The following PKHD1L1 variants were observed in gnomAD, a reference collection of about 807,000 sequenced individuals.
PKHD1L1 encodes the protein fibrocystin-L.
PKHD1L1 carries 434 observed loss-of-function variants against 462.9 expected under a neutral mutation model. That is an observed-to-expected ratio of 0.94 (90% CI 0.87 to 1.02). The LOEUF (loss-of-function observed/expected upper bound fraction) is 1.02. PKHD1L1 is among the 50% of genes least tolerant of loss of function. PKHD1L1 has a pLI of 0.00. For synonymous variants in PKHD1L1, 1,781 were observed against 1,750.0 expected (o/e 1.02, Z -0.44); for missense variants, 5,202 against 5,096.1 (o/e 1.02, Z -0.63).
intron 2 of PKHD1L1, among the ~76,000 whole-genome samples, chr8:109,366,804 T>C (rs1586357229): frequency 1.3e-5 from 2 of 151,700 alleles, no homozygotes; most frequent in Non-Finnish European, 2.9e-5. Flanking sequence ...GCAATTGTCC[T>C]GCCTCAGCCT....
intron 54 of PKHD1L1, 79 bp from the exon 55 acceptor site, chr8:109,479,912 C>A: frequency 7.6e-7 from 1 of 1,320,046 alleles, no homozygotes; most frequent in Non-Finnish European, 1.0e-6. Context: ...AACTAGGACT[C>A]ACTGATAAGC....
chr8:109,418,848 T>C (rs1814315010), intron 21 of PKHD1L1, among the ~76,000 whole-genome samples: 1 of 152,228 alleles, frequency 6.6e-6, no homozygotes, highest in African/African-American at 2.4e-5. Flanking sequence ...TTTACATTCC[T>C]ATGGCTACTG....
At chr8:109,483,961 A>G (rs1249167562) in intron 57 of PKHD1L1, among the ~76,000 whole-genome samples, 1 of 151,806 alleles carries the variant, frequency 6.6e-6, no homozygotes, top group African/African-American at 2.4e-5. Context: ...ACATTTTTTA[A>G]TGCCAAGAAA....
rs773745534 is a variant in PKHD1L1 at position 109,491,994 on chromosome 8, G to A, written c.10236G>A (p.Glu3412=). Residue 3412 remains glutamate, a splice_region_variant and synonymous_variant, in exon 62 of 78, where the codon GAG becomes GAA. Coordinates refer to ENST00000378402, the MANE Select transcript of PKHD1L1 (RefSeq NM_177531.6). ...LSSTLWHAAI[E]INRGTNTVLQ... is the part of the protein sequence containing the mutation. Reference sequence around the variant, plus strand: ...CAACTCTCTGGCATGCAGCAATTGAGGTAGTGAAAACAAACTTATAATTAT... The same window carrying A: ...CAACTCTCTGGCATGCAGCAATTGAAGTAGTGAAAACAAACTTATAATTAT... 1.3e-6 allele frequency: 2 copies of A among 1,515,292 alleles called. No homozygotes were observed. Among genetic ancestry groups the A allele is most frequent in the Middle Eastern group, 1.7e-4 (1 of 5,766 alleles). 93.9% of individuals were successfully genotyped at this position (1,515,292 alleles called of 1,614,324 possible).
At chr8:109,402,255 C>A (rs1173751812) in intron 14 of PKHD1L1, among the ~76,000 whole-genome samples, 2 of 152,174 alleles carry the variant, frequency 1.3e-5, no homozygotes, top group Admixed American at 6.6e-5. Context: ...GCATTTGCAT[C>A]TGCTAGACTT....
At chr8:109,479,013 A>G (rs1385167082) in intron 53 of PKHD1L1, among the ~76,000 whole-genome samples, 1 of 152,148 alleles carries the variant, frequency 6.6e-6, no homozygotes, top group Admixed American at 6.6e-5. Context: ...GTAACATGGC[A>G]AATAAGAAGG....
chr8:109,385,906 G>C (rs192447851), intron 6 of PKHD1L1, among the ~76,000 whole-genome samples: 1 of 152,252 alleles, frequency 6.6e-6, no homozygotes, highest in African/African-American at 2.4e-5. Context: ...AAGTCCAATA[G>C]TAATTGAGTT....
intron 8 of PKHD1L1, among the ~76,000 whole-genome samples, chr8:109,389,775 G>A (rs193121122): frequency 6.6e-5 from 10 of 152,124 alleles, no homozygotes; most frequent in East Asian, 1.9e-4. Context: ...TGATCCGCCC[G>A]CCTCAGCCTC....
rs202241413 is a variant in PKHD1L1, at chr8:109,451,128, C to T, written c.6329C>T (p.Thr2110Ile). The T allele has an allele frequency of 6.6e-5, 106 of 1,610,368 alleles. No homozygotes were observed. The East Asian group carries it at 2.1e-3, about 32-fold the overall frequency. Residue 2110 changes from threonine (T) to isoleucine (I), a missense_variant, in exon 41 of 78, where the codon ACA (threonine) becomes ATA (isoleucine). This residue lies in a region of PKHD1L1 where 4,497 missense variants were observed against 4,336.8 expected (regional missense o/e 1.04). Transcript: ENST00000378402. ...AGTACAGCAGGGGGCACCAGACTGACAGTCGTGGGATCAGGATTCAGGTAC... is the reference window on the plus strand; with the variant it reads ...AGTACAGCAGGGGGCACCAGACTGATAGTCGTGGGATCAGGATTCAGGTAC... ...RGSTAGGTRL[T>I]VVGSGFSENM...
chr8:109,448,569 T>G (rs1253545878), intron 39 of PKHD1L1, among the ~76,000 whole-genome samples, 178 bp downstream of exon 39: 1 of 151,522 alleles, frequency 6.6e-6, no homozygotes, highest in Non-Finnish European at 1.5e-5. Context: ...TGGAGTGCAG[T>G]GGCGCGATCT....
intron 23 of PKHD1L1, among the ~76,000 whole-genome samples, chr8:109,423,235 T>A (rs1814567764): frequency 6.6e-6 from 1 of 152,098 alleles, no homozygotes; most frequent in Admixed American, 6.6e-5. Flanking sequence ...TCCTGAGGAT[T>A]TTTCTTTTTC....
intron 59 of PKHD1L1, among the ~76,000 whole-genome samples, chr8:109,487,936 G>GGAAGGAAGGAAT (rs1563600629): frequency 2.7e-5 from 4 of 150,350 alleles, no homozygotes; most frequent in Non-Finnish European, 5.9e-5. Flanking sequence ...AAGGAAGGAA[G>GGAAGGAAGGAAT]GAAGGAAAGA....
chr8:109,431,558 C>A (rs1223431279), intron 27 of PKHD1L1, among the ~76,000 whole-genome samples: 1 of 151,872 alleles, frequency 6.6e-6, no homozygotes, highest in Non-Finnish European at 1.5e-5. Context: ...GGTAATTTTG[C>A]CAGTTTTGTA....
At chr8:109,487,928 GGAAGGAAGGAAGGAAA>G (rs1226141320) in intron 59 of PKHD1L1, among the ~76,000 whole-genome samples, 4 of 150,312 alleles carry the variant, frequency 2.7e-5, no homozygotes, top group Non-Finnish European at 4.5e-5. Context: ...AAGGAAGGAA[GGAAGGAAGGAAGGAAA>G]GAAGGAAGGA....
intron 6 of PKHD1L1, among the ~76,000 whole-genome samples, chr8:109,386,807 G>C (rs1236035619): frequency 6.6e-6 from 1 of 152,074 alleles, no homozygotes; most frequent in African/African-American, 2.4e-5. Context: ...CCAGGAAATA[G>C]AAAGTTTAAC....
At chr8:109,512,574 T>G (rs1431643085) in intron 71 of PKHD1L1, among the ~76,000 whole-genome samples, 1 of 150,638 alleles carries the variant, frequency 6.6e-6, no homozygotes, top group Non-Finnish European at 1.5e-5. Flanking sequence ...TTGGTACCAG[T>G]ACCATGCTGT....
At chr8:109,486,325 G>A (rs1818524710) in intron 58 of PKHD1L1, among the ~76,000 whole-genome samples, 1 of 151,774 alleles carries the variant, frequency 6.6e-6, no homozygotes, top group South Asian at 2.1e-4. Flanking sequence ...TTCTCAATTT[G>A]CCACACAACA....
In PKHD1L1 at chr8:109,530,728, G is replaced by T. The variant is rs551417412; in HGVS notation, c.*638G>T. Among the ~76,000 whole-genome samples the T allele has an allele frequency of 2.2e-4, 34 of 152,178 alleles. No homozygotes were observed. Among genetic ancestry groups the T allele is most frequent in the African/African-American group, 7.9e-4 (33 of 41,524 alleles). On this transcript the variant is annotated 3_prime_UTR_variant, in exon 78 of 78. Transcript: ENST00000378402. ...GGAAAAGTTTTCTTGTCCTTGGAAT[G>T]AACTTTTGGAACAAGTCCAAACTCC...
chr8:109,391,891 G>A (rs1812730005), intron 9 of PKHD1L1, among the ~76,000 whole-genome samples: 5 of 152,150 alleles, frequency 3.3e-5, no homozygotes, highest in African/African-American at 9.6e-5. Flanking sequence ...AGAGGCAATC[G>A]GTGTCATTAT....
Sources: allele counts gnomAD v4.1 joint callset (sites outside exome capture counted in the v4.1 genomes callset), GRCh38; gene constraint gnomAD v4.1.1; regional missense constraint gnomAD v4.1.1; transcripts MANE v1.5; gene names NCBI Gene and HGNC (gene_info 2026-07-23, HGNC 2026-07-21).